AKAP8L: variants seen among roughly 807,000 people sequenced by gnomAD.
AKAP8L encodes A-kinase anchoring protein 8 like.
AKAP8L carries 34 observed loss-of-function variants against 77.5 expected under a neutral mutation model. The observed-to-expected ratio is 0.44, with a 90% CI of 0.33 to 0.58. AKAP8L has a LOEUF of 0.58. Ranked by LOEUF, AKAP8L falls within the 20% of genes least tolerant of loss-of-function variation. The pLI, the probability that AKAP8L is intolerant of heterozygous loss-of-function variation, is 0.02. For synonymous variants in AKAP8L, 342 were observed against 340.7 expected, an observed-to-expected ratio of 1.00 and a Z score of -0.04; for missense variants, 806 against 887.6, an observed-to-expected ratio of 0.91 and a Z score of 1.17.
At chr19:15,380,793 C>T in intron 12 of AKAP8L, 181 bp from the exon 13 acceptor site, 1 of 604,468 alleles carries the variant, frequency 1.7e-6, no homozygotes. Flanking sequence ...GTTCAAATTC[C>T]CTCTCCTTCC....
intron 12 of AKAP8L, among the ~76,000 whole-genome samples, chr19:15,382,889 T>A (rs1333313723): frequency 6.6e-6 from 1 of 152,230 alleles, no homozygotes; most frequent in Admixed American, 6.5e-5. Context: ...CATTTCGGAT[T>A]TTCAGATGAC....
chr19:15,385,631 G>C (rs1414391972), intron 12 of AKAP8L, among the ~76,000 whole-genome samples: 1 of 151,944 alleles, frequency 6.6e-6, no homozygotes, highest in African/African-American at 2.4e-5. Context: ...ACAGAGTCTT[G>C]CTCTGTTGCC....
chr19:15,403,745 T>C lies in AKAP8L; in HGVS notation c.122-30A>G, dbSNP rs1479068361. 5 of 1,526,036 alleles carry C rather than the reference T, an allele frequency of 3.3e-6. No individual in the cohort carries two copies. Among genetic ancestry groups the C allele is most frequent in the Middle Eastern group, 3.4e-4 (2 of 5,926 alleles). 94.5% of individuals were successfully genotyped at this position (1,526,036 alleles called of 1,614,324 possible). A position where few individuals can be genotyped will look rare whatever the true frequency, so the allele number is the denominator to read the frequency against. The stretch of plus-strand genomic sequence containing the variant: ...AGTGAGGGAGACAGAGACAGACAGA[T>C]GGTGGGGGCAGGCAGAGGGGAGGCA... On this transcript the variant is annotated intron_variant, in intron 3 of 13. Transcript: ENST00000397410. The surrounding 1 kb of genome is among the most constrained non-coding windows in gnomAD (Gnocchi z 4.3).
At position 15,380,143 on chromosome 19, in the gene AKAP8L, CTCCTCGTCG is replaced by C; in HGVS notation, c.1911_1919del (p.Asp637_Glu639del). The stretch of plus-strand genomic sequence containing the variant: ...CGGGTCACGGGGCGCCCCCGCCGCC[CTCCTCGTCG>C]TCCTCCACGTCGAGGCCCGGGATGC... On this transcript the variant is annotated inframe_deletion, in exon 14 of 14. Coordinates refer to ENST00000397410, the MANE Select transcript of AKAP8L (RefSeq NM_014371.4). 2.0e-6 allele frequency: 3 copies of C among 1,500,202 alleles called. No homozygotes were observed. The highest frequency in any genetic ancestry group is 2.6e-6 in the Non-Finnish European group (3 of 1,133,578). The allele number at this position is 1,500,202 out of a possible 1,614,324, so 92.9% of individuals were successfully genotyped here.
At chr19:15,413,842 A>T (rs1968151285) in intron 1 of AKAP8L, among the ~76,000 whole-genome samples, 1 of 152,186 alleles carries the variant, frequency 6.6e-6, no homozygotes, top group South Asian at 2.1e-4. Context: ...ACAGTCAGCA[A>T]GCTGCTGAGC....
At position 15,398,694 on chromosome 19, in the gene AKAP8L, G is replaced by A. The variant is rs184084430; in HGVS notation, c.1157+608C>T. 1.4e-4 allele frequency: 135 copies of A among 987,986 alleles called. 1 individual carries two copies. The Admixed American group carries it at 4.7e-3, about 34-fold the overall frequency. 61.2% of individuals were successfully genotyped at this position (987,986 alleles called of 1,614,324 possible). On this transcript the variant is annotated intron_variant, in intron 9 of 13. Transcript: ENST00000397410. The surrounding 1 kb of genome is among the most constrained non-coding windows in gnomAD (Gnocchi z 9.2). The stretch of plus-strand genomic sequence containing the variant: ...TGTCTGGAGAGCCCAGGGGCCGGGC[G>A]CCGGCGAGGCTGAGGAAGGTCCAGC...
chr19:15,399,748 A>G lies in AKAP8L; in HGVS notation c.1049-338T>C. 2.7e-6 allele frequency: 1 copy of G among 367,596 alleles called. No homozygotes were observed. 22.8% of individuals were successfully genotyped at this position (367,596 alleles called of 1,614,324 possible). A position where few individuals can be genotyped will look rare whatever the true frequency, so the allele number is the denominator to read the frequency against. Reference sequence around the variant, plus strand: ...TCAGAGGGGCCAGGTGGTGGGATGCAGGGAGGCTGCTCACATGGCCCTGCC... The same window carrying G: ...TCAGAGGGGCCAGGTGGTGGGATGCGGGGAGGCTGCTCACATGGCCCTGCC... On this transcript the variant is annotated intron_variant, in intron 8 of 13. Transcript: ENST00000397410. This position sits in a 1 kb window ranked among gnomAD's most constrained non-coding sequence, Gnocchi z 6.1.
intron 12 of AKAP8L, among the ~76,000 whole-genome samples, chr19:15,384,801 C>G (rs1967494502): frequency 6.6e-6 from 1 of 152,202 alleles, no homozygotes; most frequent in Non-Finnish European, 1.5e-5. Context: ...GATCATTCAG[C>G]TTTTCTAAGA....
chr19:15,411,263 C>A lies in AKAP8L; in HGVS notation c.14-669G>T, dbSNP rs12609415. ...CAAGGATGGAGGTTAGCTTCAAAAC[C>A]ATGTTAAAGCAAATAATACCCCCCT... On this transcript the variant is annotated intron_variant, in intron 1 of 13. Transcript: ENST00000397410. Among the ~76,000 whole-genome samples, 75 of 152,310 alleles carry A rather than the reference C, an allele frequency of 4.9e-4. No homozygotes were observed. The East Asian group carries it at 0.013, about 27-fold the overall frequency.
At chr19:15,380,654 G>A (rs749232101) in intron 12 of AKAP8L, 42 bp from the exon 13 acceptor site, 2 of 1,596,438 alleles carry the variant, frequency 1.3e-6, no homozygotes, top group South Asian at 1.1e-5. Flanking sequence ...TGCTCTGAGT[G>A]CCCTACAAGT....
rs1229132568 is a variant in AKAP8L at position 15,380,429 on chromosome 19, C to T, written c.1634G>A (p.Gly545Asp). ...GGGGCTGTCGGTGAAAGGGTTCTCG[C>T]CCTGTGGGGAGGGGCGCGGACACTG... is the stretch of plus-strand genomic sequence containing the variant. ...ISKKLERYLK[G>D]ENPFTDSPEE... The change falls in exon 14 of 14, where the codon GGC (glycine) becomes GAC (aspartate). Residue 545 changes from glycine (G) to aspartate (D), a missense_variant and splice_region_variant. Transcript: ENST00000397410. The T allele has an allele frequency of 1.2e-6, 2 of 1,606,248 alleles. No homozygotes were observed. The highest frequency in any genetic ancestry group is 1.7e-5 in the Admixed American group (1 of 58,870).
chr19:15,393,911 A>G (rs1967716688), intron 12 of AKAP8L, among the ~76,000 whole-genome samples: 1 of 151,942 alleles, frequency 6.6e-6, no homozygotes, highest in South Asian at 2.1e-4. Flanking sequence ...CTCAAAAAAA[A>G]AAAAAAAAAA....
At position 15,399,408 on chromosome 19, in the gene AKAP8L, C is replaced by A. The variant is rs199945436; in HGVS notation, c.1051G>T (p.Ala351Ser). 1 of 1,613,232 alleles carries A rather than the reference C, an allele frequency of 6.2e-7. No individual in the cohort carries two copies. The highest frequency in any genetic ancestry group is 8.5e-7 in the Non-Finnish European group (1 of 1,179,348). The change falls in exon 9 of 14, where the codon GCC (alanine) becomes TCC (serine). Residue 351 changes from alanine (A) to serine (S), a missense_variant and splice_region_variant. Ala to Ser is a moderately conservative substitution (Grantham distance 99). Transcript: ENST00000397410. This position sits in a 1 kb window ranked among gnomAD's most constrained non-coding sequence, Gnocchi z 6.1. Reference protein sequence around the residue: ...EEGKEDPEKGALTTQDENGQT... With the variant: ...EEGKEDPEKGSLTTQDENGQT... ...CCATTTTCATCCTGGGTGGTTAGGGCCCCTGTGGGAGCAGATGGGCACTGT... is the reference window on the plus strand; with the variant it reads ...CCATTTTCATCCTGGGTGGTTAGGGACCCTGTGGGAGCAGATGGGCACTGT...
intron 12 of AKAP8L, among the ~76,000 whole-genome samples, chr19:15,393,173 C>T (rs568760914): frequency 5.3e-5 from 8 of 151,892 alleles, no homozygotes; most frequent in African/African-American, 1.4e-4. Context: ...TTACCTCATA[C>T]GATATAAATA....
intron 12 of AKAP8L, among the ~76,000 whole-genome samples, chr19:15,384,300 CTGT>C (rs1298303979): frequency 1.3e-5 from 1 of 78,238 alleles, no homozygotes; most frequent in African/African-American, 6.6e-5. Flanking sequence ...TCTTCCCTCC[CTGT>C]TTTTTTTTTT....
intron 1 of AKAP8L, among the ~76,000 whole-genome samples, chr19:15,415,897 CA>C (rs60781424): frequency 0.8 from 119,157 of 149,400 alleles, 47,697 homozygotes; most frequent in East Asian, 0.98. Flanking sequence ...AAAAAAAAAA[CA>C]AAAAAAAAAT....
At chr19:15,392,087 A>C (rs1599597255) in intron 12 of AKAP8L, among the ~76,000 whole-genome samples, 2 of 152,172 alleles carry the variant, frequency 1.3e-5, no homozygotes. Context: ...TCCCACCTTC[A>C]CCTCCTAAAG....
chr19:15,398,539 G>T lies in AKAP8L; in HGVS notation c.1158-684C>A, dbSNP rs1039117401. 2.1e-5 allele frequency: 21 copies of T among 979,294 alleles called. No homozygotes were observed. Among genetic ancestry groups the T allele is most frequent in the Non-Finnish European group, 2.5e-5 (21 of 824,030 alleles). 60.7% of individuals were successfully genotyped at this position (979,294 alleles called of 1,614,324 possible). A position where few individuals can be genotyped will look rare whatever the true frequency, so the allele number is the denominator to read the frequency against. ...TCTGGGCCTGGTGTCCACAGTAGAA[G>T]CCCGGGGTCTGGGGCCTGGGCCGGA... On this transcript the variant is annotated intron_variant, in intron 9 of 13. Coordinates refer to ENST00000397410, the MANE Select transcript of AKAP8L (RefSeq NM_014371.4). This position sits in a 1 kb window ranked among gnomAD's most constrained non-coding sequence, Gnocchi z 9.2.
Position 15,403,941 on chromosome 19 carries a change from G to T in AKAP8L, c.121+69C>A. 1.9e-6 allele frequency: 3 copies of T among 1,576,094 alleles called. No individual in the cohort carries two copies. The highest frequency in any genetic ancestry group is 2.6e-6 in the Non-Finnish European group (3 of 1,147,892). ...CCACTCCCAACCTTGGCCAAGCAGG[G>T]CAGTGGCAGAGAAACACAGCCAGGA... On this transcript the variant is annotated intron_variant, in intron 3 of 13. Transcript: ENST00000397410. This position sits in a 1 kb window ranked among gnomAD's most constrained non-coding sequence, Gnocchi z 4.3.
Sources: allele counts gnomAD v4.1 joint callset (sites outside exome capture counted in the v4.1 genomes callset), GRCh38; gene constraint gnomAD v4.1.1; non-coding constraint Gnocchi (gnomAD v3.1); transcripts MANE v1.5; gene names NCBI Gene and HGNC (gene_info 2026-07-23, HGNC 2026-07-21).